The following MYO18B variants were observed in gnomAD, a reference collection of about 807,000 sequenced individuals.
MYO18B encodes the protein unconventional myosin-XVIIIb.
In MYO18B, 204 loss-of-function variants were observed where a neutral mutation model predicts 273.0. The observed-to-expected ratio is 0.75, with a 90% CI of 0.67 to 0.84. The LOEUF (loss-of-function observed/expected upper bound fraction) is 0.84. Among genes scored for constraint, MYO18B ranks in the 40% least tolerant of loss-of-function variants. The pLI is 0.00. For missense variants in MYO18B, 3,212 were observed against 3,287.6 expected, an observed-to-expected ratio of 0.98 and a Z score of 0.56; for synonymous variants, 1,330 against 1,305.7, an observed-to-expected ratio of 1.02 and a Z score of -0.40.
At chr22:26,013,776 A>G (rs774062261) in intron 42 of MYO18B, among the ~76,000 whole-genome samples, 2 of 152,210 alleles carry the variant, frequency 1.3e-5, no homozygotes, top group Admixed American at 6.5e-5. Flanking sequence ...ACCTTTTTAT[A>G]TGCTTATATC....
chr22:25,928,665 T>C (rs1379608028), intron 34 of MYO18B, among the ~76,000 whole-genome samples: 1 of 152,026 alleles, frequency 6.6e-6, no homozygotes, highest in Non-Finnish European at 1.5e-5. Flanking sequence ...CCTGATACAA[T>C]ACAGAAGACT....
rs1164891284 is a variant in MYO18B at position 26,026,967 on chromosome 22, A to G, written c.6993A>G (p.Ser2331=). 1.9e-6 allele frequency: 3 copies of G among 1,613,942 alleles called. No homozygotes were observed. The highest frequency in any genetic ancestry group is 2.5e-6 in the Non-Finnish European group (3 of 1,179,888). ...LRSTSLKCIS[S]DGVGGTTLLP... Reference sequence around the variant, plus strand: ...CCACCAGCCTCAAATGCATCTCTTCAGACGGTGTTGGGGGCACAACCCTAC... The same window carrying G: ...CCACCAGCCTCAAATGCATCTCTTCGGACGGTGTTGGGGGCACAACCCTAC... Residue 2331 remains serine, a synonymous_variant, in exon 43 of 44, where the codon TCA becomes TCG. Transcript: ENST00000335473.
At position 25,874,416 on chromosome 22, in the gene MYO18B, T is replaced by C. The variant is rs2146187014; in HGVS notation, c.4080+2T>C. On this transcript the variant is annotated splice_donor_variant, in intron 23 of 43. Coordinates refer to ENST00000335473, the MANE Select transcript of MYO18B (RefSeq NM_032608.7). LOFTEE classifies it high-confidence loss of function. Reference sequence around the variant, plus strand: ...CGCCAGGAATTCAAGAAGCTGAAGGTACTGCATGCCGTTCCCATGAGGAGT... The same window carrying C: ...CGCCAGGAATTCAAGAAGCTGAAGGCACTGCATGCCGTTCCCATGAGGAGT... The C allele has an allele frequency of 5.6e-6, 9 of 1,612,770 alleles. No individual in the cohort carries two copies. Among genetic ancestry groups the C allele is most frequent in the Non-Finnish European group, 6.8e-6 (8 of 1,179,294 alleles).
chr22:26,013,995 T>C (rs1036451578), intron 42 of MYO18B, among the ~76,000 whole-genome samples: 2 of 152,228 alleles, frequency 1.3e-5, no homozygotes, highest in African/African-American at 4.8e-5. Context: ...AGAAAAGTTC[T>C]TAATTTTAAT....
chr22:25,839,555 G>C (rs2090021416), intron 17 of MYO18B, among the ~76,000 whole-genome samples: 1 of 152,204 alleles, frequency 6.6e-6, no homozygotes, highest in Admixed American at 6.5e-5. Context: ...CCCAGCTACA[G>C]GGAGGTGACT....
Position 25,843,873 on chromosome 22 carries a change from A to G in MYO18B, c.3347A>G (p.Gln1116Arg). Residue 1116 changes from glutamine (Q) to arginine (R), a missense_variant, in exon 18 of 44, where the codon CAG becomes CGG. Transcript: ENST00000335473. ...AACCTCTCGGCCCTGGATGCACCCC[A>G]GGTCCTGCACCAGTCAAAAAGGTGA... ...KPNLSALDAP[Q>R]VLHQSKREEL... The G allele has an allele frequency of 6.2e-7, 1 of 1,610,316 alleles. No individual in the cohort carries two copies. Among genetic ancestry groups the G allele is most frequent in the Non-Finnish European group, 8.5e-7 (1 of 1,176,950 alleles).
intron 36 of MYO18B, among the ~76,000 whole-genome samples, chr22:25,948,645 T>C (rs1265238608): frequency 6.6e-6 from 1 of 151,874 alleles, no homozygotes; most frequent in African/African-American, 2.4e-5. Flanking sequence ...ATCCTTGCCA[T>C]GTGTTAGGCA....
chr22:26,033,464 C>T (rs1219658229), downstream of MYO18B, among the ~76,000 whole-genome samples: 2 of 152,124 alleles, frequency 1.3e-5, no homozygotes, highest in African/African-American at 2.4e-5. Flanking sequence ...TTATGAAGCA[C>T]GTTTTTATAA....
chr22:25,850,482 G>A (rs1390928832), intron 20 of MYO18B, among the ~76,000 whole-genome samples: 1 of 152,104 alleles, frequency 6.6e-6, no homozygotes, highest in African/African-American at 2.4e-5. Flanking sequence ...TGATAACATA[G>A]GCCCATGAGT....
chr22:25,775,080 AG>A (rs2086866448), intron 7 of MYO18B, among the ~76,000 whole-genome samples: 1 of 152,218 alleles, frequency 6.6e-6, no homozygotes, highest in Admixed American at 6.5e-5. Context: ...AGTGGGCCTG[AG>A]CAGGCTGATG....
chr22:26,040,716 C>G, the MYO18B span, among the ~76,000 whole-genome samples: 2 of 152,188 alleles, frequency 1.3e-5, no homozygotes, highest in African/African-American at 4.8e-5. Flanking sequence ...GCAGAGGGAA[C>G]AGTCAATGCA....
At chr22:25,826,547 CAGA>C (rs1410450881) in intron 14 of MYO18B, 48 bp downstream of exon 14, 1 of 1,500,450 alleles carries the variant, frequency 6.7e-7, no homozygotes, top group Non-Finnish European at 9.2e-7. Flanking sequence ...TGCAGGTGCA[CAGA>C]TGAATTCACA....
At position 25,853,497 on chromosome 22, in the gene MYO18B, C is replaced by G. The variant is rs147054781; in HGVS notation, c.3885+1918C>G. Reference sequence around the variant, plus strand: ...GGCCCATTTTGGAAGCCATGAAATTCTGCCTGACTTGGTGCCATCAACCAC... The same window carrying G: ...GGCCCATTTTGGAAGCCATGAAATTGTGCCTGACTTGGTGCCATCAACCAC... On this transcript the variant is annotated intron_variant, in intron 21 of 43. Transcript: ENST00000335473. Among the ~76,000 whole-genome samples the G allele has an allele frequency of 6.9e-3, 1,053 of 152,290 alleles. 11 individuals carry two copies. The highest frequency in any genetic ancestry group is 0.024 in the African/African-American group (1,006 of 41,560).
Position 25,955,191 on chromosome 22 carries a change from C to T in MYO18B, c.5983C>T (p.Arg1995Trp), listed in dbSNP as rs776305649. The T allele has an allele frequency of 7.2e-5, 115 of 1,606,618 alleles. No individual in the cohort carries two copies. The highest frequency in any genetic ancestry group is 6.3e-4 in the East Asian group (28 of 44,702). ...QIKRFEVLVI[R>W]LRDSLIKMGE... The stretch of plus-strand genomic sequence containing the variant: ...CTGCCCCTCCCAGGTCCTGGTGATC[C>T]GGCTTCGGGACAGCCTGATCAAGAT... The change falls in exon 39 of 44, where the codon CGG (arginine) becomes TGG (tryptophan). Residue 1995 changes from arginine (R) to tryptophan (W), a missense_variant. Physicochemically the swap from Arg to Trp is moderately radical, Grantham distance 101. Coordinates refer to ENST00000335473, the MANE Select transcript of MYO18B (RefSeq NM_032608.7).
At chr22:25,784,185 A>C (rs2087280897) in intron 10 of MYO18B, among the ~76,000 whole-genome samples, 1 of 152,172 alleles carries the variant, frequency 6.6e-6, no homozygotes, top group Non-Finnish European at 1.5e-5. Context: ...CACCAGATGG[A>C]CTGGGAGATC....
rs2091247303 is a variant in MYO18B at position 25,877,996 on chromosome 22, CAG to C, written c.4266_4267del (p.Lys1423ValfsTer4). 1 of 1,584,058 alleles carries C rather than the reference CAG, an allele frequency of 6.3e-7. No individual in the cohort carries two copies. Among genetic ancestry groups the C allele is most frequent in the East Asian group, 2.3e-5 (1 of 43,494 alleles). On this transcript the variant is annotated frameshift_variant, in exon 25 of 44. Transcript: ENST00000335473. LOFTEE classifies it high-confidence loss of function. Reference sequence around the variant, plus strand: ...ACGCTAAGACGGAAGCTAGAAAAATCAGAGAAGTTGCGGAATGAACTCCGGCA... The same window carrying C: ...ACGCTAAGACGGAAGCTAGAAAAATCAGAAGTTGCGGAATGAACTCCGGCA...
At chr22:25,952,444 A>T in intron 38 of MYO18B, 21 bp downstream of exon 38, 9 of 1,612,272 alleles carry the variant, frequency 5.6e-6, no homozygotes, top group Non-Finnish European at 7.6e-6. Flanking sequence ...ATTCATAAAT[A>T]GTGCCTGGGC....
At chr22:25,752,659 TA>T (rs201385941) in intron 1 of MYO18B, among the ~76,000 whole-genome samples, 1 of 149,088 alleles carries the variant, frequency 6.7e-6, no homozygotes, top group Admixed American at 6.6e-5. Flanking sequence ...CCTGGCTAAT[TA>T]AAAAAAAATT....
Position 25,903,782 on chromosome 22 carries a change from A to G in MYO18B, c.5099A>G (p.Gln1700Arg). The G allele has an allele frequency of 6.2e-7, 1 of 1,604,156 alleles. No homozygotes were observed. Among genetic ancestry groups the G allele is most frequent in the South Asian group, 1.1e-5 (1 of 89,034 alleles). The change falls in exon 31 of 44, where the codon CAA (glutamine) becomes CGA (arginine). Residue 1700 changes from glutamine (Q) to arginine (R), a missense_variant. Transcript: ENST00000335473. Reference sequence around the variant, plus strand: ...AAGTTGGAATCCAGCGCCCTTGAGCAACAGAAAATCCAGAGCCAGCAGGAA... The same window carrying G: ...AAGTTGGAATCCAGCGCCCTTGAGCGACAGAAAATCCAGAGCCAGCAGGAA... Reference protein sequence around the residue: ...LWKLESSALEQQKIQSQQENT... With the variant: ...LWKLESSALERQKIQSQQENT...
Sources: gnomAD v4.1 joint callset for allele counts (sites outside exome capture counted in the v4.1 genomes callset) on GRCh38, gnomAD v4.1.1 for gene constraint, MANE v1.5 for transcripts, NCBI Gene and HGNC (gene_info 2026-07-23, HGNC 2026-07-21) for gene names.